Variants in GALNT15 observed in about 807,000 individuals in gnomAD.
GALNT15 encodes polypeptide N-acetylgalactosaminyltransferase 15, also known as UDP-GalNAc transferase T15.
In GALNT15, 67 loss-of-function variants were observed where a neutral mutation model predicts 66.8. That is an observed-to-expected ratio of 1.00 (90% CI 0.82 to 1.23). GALNT15 has a LOEUF of 1.23. GALNT15 is among the 50% of genes most tolerant of loss of function. The pLI is 0.00. For synonymous variants in GALNT15, 313 were observed against 311.5 expected (o/e 1.00, Z -0.05); for missense variants, 827 against 804.3 (o/e 1.03, Z -0.34).
Position 16,228,811 on chromosome 3 carries a change from G to C in GALNT15, c.*1311G>C. Reference sequence around the variant, plus strand: ...GTAACATTTGGGTGTTAATGTCCATGAGAGCTGACAGGGCCATCTCTGAGC... The same window carrying C: ...GTAACATTTGGGTGTTAATGTCCATCAGAGCTGACAGGGCCATCTCTGAGC... On this transcript the variant is annotated 3_prime_UTR_variant, in exon 10 of 10. Transcript: ENST00000339732. 1 of 985,428 alleles carries C rather than the reference G, an allele frequency of 1.0e-6. No homozygotes were observed. The highest frequency in any genetic ancestry group is 1.2e-6 in the Non-Finnish European group (1 of 829,936). The allele number at this position is 985,428 out of a possible 1,614,324, so 61.0% of individuals were successfully genotyped here.
rs1399716000 is a variant in GALNT15, at chr3:16,200,952, G to C, written c.911+129G>C. On this transcript the variant is annotated intron_variant, in intron 3 of 9. Coordinates refer to ENST00000339732, the MANE Select transcript of GALNT15 (RefSeq NM_054110.5). This position sits in a 1 kb window ranked among gnomAD's most constrained non-coding sequence, Gnocchi z 4.4. ...CATTAGAGAGTGATATATTCCCTTCGGGTTTTCAGATGTGTAAGTTTTTTA... is the reference window on the plus strand; with the variant it reads ...CATTAGAGAGTGATATATTCCCTTCCGGTTTTCAGATGTGTAAGTTTTTTA... 1.4e-5 allele frequency: 9 copies of C among 665,822 alleles called. No homozygotes were observed. Among genetic ancestry groups the C allele is most frequent in the Non-Finnish European group, 2.1e-5 (9 of 425,830 alleles). 41.2% of individuals were successfully genotyped at this position (665,822 alleles called of 1,614,324 possible).
downstream of GALNT15, among the ~76,000 whole-genome samples, chr3:16,232,469 A>ATATACATATAT (rs1553689249): frequency 2.6e-5 from 1 of 38,742 alleles, no homozygotes; most frequent in Non-Finnish European, 5.4e-5. Flanking sequence ...TAAATAAATA[A>ATATACATATAT]ATATATATAT....
rs200287869 is a variant in GALNT15 at position 16,219,578 on chromosome 3, C to T, written c.1524+44C>T. 8 of 1,606,250 alleles carry T rather than the reference C, an allele frequency of 5.0e-6. No homozygotes were observed. The highest frequency in any genetic ancestry group is 6.8e-6 in the Non-Finnish European group (8 of 1,176,726). On this transcript the variant is annotated intron_variant, in intron 7 of 9. Coordinates refer to ENST00000339732, the MANE Select transcript of GALNT15 (RefSeq NM_054110.5). The surrounding 1 kb of genome is among the most constrained non-coding windows in gnomAD (Gnocchi z 4.3). ...AAGATGGGGAGGGACAGGGAAGCTT[C>T]CCAAGACAAGAACTAGATGTTCAGC...
rs1286110827 is a variant in GALNT15, at chr3:16,181,019, C to T, written c.539+5329C>T. Among the ~76,000 whole-genome samples, 2 of 152,116 alleles carry T rather than the reference C, an allele frequency of 1.3e-5. No homozygotes were observed. Among genetic ancestry groups the T allele is most frequent in the South Asian group, 2.1e-4 (1 of 4,830 alleles). On this transcript the variant is annotated intron_variant, in intron 1 of 9. Transcript: ENST00000339732. This position sits in a 1 kb window ranked among gnomAD's most constrained non-coding sequence, Gnocchi z 5.9. ...AGGTTGTAGAGAAAATGAGACACAACGTGTGATGATTTTCCTTGTGTATTA... is the reference window on the plus strand; with the variant it reads ...AGGTTGTAGAGAAAATGAGACACAATGTGTGATGATTTTCCTTGTGTATTA...
intron 6 of GALNT15, among the ~76,000 whole-genome samples, 166 bp downstream of exon 6, chr3:16,212,929 G>A (rs2063832770): frequency 6.6e-6 from 1 of 152,188 alleles, no homozygotes; most frequent in African/African-American, 2.4e-5. Flanking sequence ...TGGTGAGGCT[G>A]TCCTTTGTCT....
chr3:16,227,622 G>T lies in GALNT15; in HGVS notation c.*122G>T, dbSNP rs78067187. ...TGTGTGTGCTCCTGGTGTTAGGAGA[G>T]AAAAAAGCTCTATGAAAGAATATAG... On this transcript the variant is annotated 3_prime_UTR_variant, in exon 10 of 10. Coordinates refer to ENST00000339732, the MANE Select transcript of GALNT15 (RefSeq NM_054110.5). The surrounding 1 kb of genome is among the most constrained non-coding windows in gnomAD (Gnocchi z 4.5). The T allele has an allele frequency of 5.3e-3, 8,103 of 1,537,268 alleles. 344 individuals are homozygous for T. In the African/African-American group the frequency reaches 0.099, roughly 19 times the overall value.
rs79444949 is a variant in GALNT15, at chr3:16,189,940, G to A, written c.540-5820G>A. Among the ~76,000 whole-genome samples, 2,595 of 152,332 alleles carry A rather than the reference G, an allele frequency of 0.017. 46 individuals carry two copies. Among genetic ancestry groups the A allele is most frequent in the South Asian group, 0.057 (274 of 4,818 alleles). On this transcript the variant is annotated intron_variant, in intron 1 of 9. Transcript: ENST00000339732. This position sits in a 1 kb window ranked among gnomAD's most constrained non-coding sequence, Gnocchi z 5.1. ...AAGGATAGTTCTCAGAGAGCTTATG[G>A]TACTTGCCCAGGTCACATAAGGACA... is the stretch of plus-strand genomic sequence containing the variant.
chr3:16,214,894 A>C (rs2063855979), intron 6 of GALNT15, among the ~76,000 whole-genome samples: 2 of 152,236 alleles, frequency 1.3e-5, no homozygotes, highest in African/African-American at 4.8e-5. Flanking sequence ...AGTTCTGTAG[A>C]GGTCCACAGA....
chr3:16,215,738 C>T lies in GALNT15; in HGVS notation c.1392+2975C>T, dbSNP rs561129116. 3.3e-5 allele frequency among the ~76,000 whole-genome samples: 5 copies of T among 151,942 alleles called. No individual in the cohort carries two copies. The East Asian group carries it at 5.8e-4, about 18-fold the overall frequency. On this transcript the variant is annotated intron_variant, in intron 6 of 9. Coordinates refer to ENST00000339732, the MANE Select transcript of GALNT15 (RefSeq NM_054110.5). ...CATCCTGGCTAACATGGTGAAACCC[C>T]GTCTCCACTAAAAATACAGAAATTA...
chr3:16,215,951 G>GC (rs2063871223), intron 6 of GALNT15, among the ~76,000 whole-genome samples: 2 of 146,702 alleles, frequency 1.4e-5, no homozygotes, highest in African/African-American at 5.1e-5. Flanking sequence ...GAAGAAGAAG[G>GC]CGCTCAATAA....
chr3:16,238,397 A>G, the GALNT15 span, among the ~76,000 whole-genome samples: 1 of 152,268 alleles, frequency 6.6e-6, no homozygotes, highest in Admixed American at 6.5e-5. The surrounding 1 kb of genome is among the most constrained non-coding windows in gnomAD (Gnocchi z 4.8). Context: ...TAGTAATAAC[A>G]TTACCATTGT....
Position 16,219,892 on chromosome 3 carries a change from G to A in GALNT15, c.1525-18G>A, listed in dbSNP as rs1474832894. The stretch of plus-strand genomic sequence containing the variant: ...AGTGGAATCTGGAATTCACTCCTGT[G>A]TGTGTGTCCACTTTCAGCTCCACAA... On this transcript the variant is annotated intron_variant, in intron 7 of 9. Coordinates refer to ENST00000339732, the MANE Select transcript of GALNT15 (RefSeq NM_054110.5). The surrounding 1 kb of genome is among the most constrained non-coding windows in gnomAD (Gnocchi z 4.3). 4 of 1,595,454 alleles carry A rather than the reference G, an allele frequency of 2.5e-6. No homozygotes were observed. Among genetic ancestry groups the A allele is most frequent in the East Asian group, 4.5e-5 (2 of 44,798 alleles).
intron 4 of GALNT15, among the ~76,000 whole-genome samples, chr3:16,210,678 G>A (rs1477098951): frequency 1.3e-5 from 2 of 152,216 alleles, no homozygotes; most frequent in African/African-American, 4.8e-5. Flanking sequence ...GAATTGGGAA[G>A]AGGGTGGATG....
At chr3:16,218,835 G>A (rs6788967) in intron 6 of GALNT15, among the ~76,000 whole-genome samples, 7,274 of 113,870 alleles carry the variant, frequency 0.064, 669 homozygotes, top group African/African-American at 0.23. Context: ...TTTTTTTTGC[G>A]AGGAAGTCTT....
intron 2 of GALNT15, among the ~76,000 whole-genome samples, chr3:16,197,082 C>T (rs899521085): frequency 2.0e-5 from 3 of 152,200 alleles, no homozygotes; most frequent in South Asian, 2.1e-4. Flanking sequence ...GCTGGGTTGG[C>T]GGGTAAAGTG....
downstream of GALNT15, among the ~76,000 whole-genome samples, chr3:16,233,159 G>A (rs948916407): frequency 4.6e-5 from 6 of 130,316 alleles, no homozygotes; most frequent in Middle Eastern, 4.3e-3. Flanking sequence ...GCAGTGGCAC[G>A]ATCTTGATTC....
the GALNT15 span, among the ~76,000 whole-genome samples, chr3:16,241,113 G>A: frequency 3.9e-3 from 590 of 152,234 alleles, 5 homozygotes; most frequent in African/African-American, 0.013. The surrounding 1 kb of genome is among the most constrained non-coding windows in gnomAD (Gnocchi z 4.6). Flanking sequence ...CTCTTCTGGA[G>A]CACTGCATAT....
downstream of GALNT15, chr3:16,231,952 T>C (rs537832591): frequency 1.4e-4 from 217 of 1,512,728 alleles, 1 homozygote; most frequent in Middle Eastern, 2.0e-4. This position sits in a 1 kb window ranked among gnomAD's most constrained non-coding sequence, Gnocchi z 4.1. Flanking sequence ...AAGGGTGGCA[T>C]TGTTTAATGT....
rs1358541434 is a variant in GALNT15 at position 16,203,541 on chromosome 3, TCTCACACACACACA to T, written c.911+2720_911+2733del. On this transcript the variant is annotated intron_variant, in intron 3 of 9. Transcript: ENST00000339732. This position sits in a 1 kb window ranked among gnomAD's most constrained non-coding sequence, Gnocchi z 6.2. ...CTCATTCTCTCTCTCTCTCTCTCTC[TCTCACACACACACA>T]CACACACACACACACACACACACAC... is the stretch of plus-strand genomic sequence containing the variant. 1.2e-4 allele frequency among the ~76,000 whole-genome samples: 7 copies of T among 58,682 alleles called. No individual in the cohort carries two copies. Among genetic ancestry groups the T allele is most frequent in the Non-Finnish European group, 2.0e-4 (5 of 25,080 alleles). The allele number at this position is 58,682 out of a possible 152,430, so 38.5% of individuals were successfully genotyped here.
Sources: gnomAD v4.1 joint callset for allele counts (sites outside exome capture counted in the v4.1 genomes callset) on GRCh38, gnomAD v4.1.1 for gene constraint, Gnocchi (gnomAD v3.1) non-coding constraint, MANE v1.5 for transcripts, NCBI Gene and HGNC (gene_info 2026-07-23, HGNC 2026-07-21) for gene names.